The following TMEM63B variants were observed in gnomAD, a reference collection of about 807,000 sequenced individuals.
TMEM63B encodes mechanosensitive cation channel TMEM63B.
TMEM63B carries 23 observed loss-of-function variants against 102.6 expected under a neutral mutation model. The observed-to-expected ratio is 0.22, with a 90% CI of 0.16 to 0.32. TMEM63B has a LOEUF of 0.32. TMEM63B is among the 10% of genes least tolerant of loss of function. TMEM63B has a pLI of 1.00. For synonymous variants in TMEM63B, 444 were observed against 437.0 expected, an observed-to-expected ratio of 1.02 and a Z score of -0.20; for missense variants, 628 against 1,095.9, an observed-to-expected ratio of 0.57 and a Z score of 6.03.
At chr6:44,139,643 A>T (rs1404913594) in intron 7 of TMEM63B, 34 bp downstream of exon 7, 1 of 1,614,108 alleles carries the variant, frequency 6.2e-7, no homozygotes, top group Non-Finnish European at 8.5e-7. Flanking sequence ...GGGTGGAGAG[A>T]GGATGGGGCT....
At chr6:44,134,474 T>C in intron 1 of TMEM63B, 87 bp from the exon 2 acceptor site, 1 of 1,400,136 alleles carries the variant, frequency 7.1e-7, no homozygotes. Context: ...TGGTGATCTG[T>C]CCTCACTGCC....
upstream of TMEM63B, chr6:44,127,094 G>A (rs1282191221): frequency 1.3e-5 from 2 of 151,866 alleles, no homozygotes; most frequent in African/African-American, 4.8e-5. Context: ...CCACGGACTT[G>A]GGGGTCGCAG....
chr6:44,152,783 C>A lies in TMEM63B; in HGVS notation c.1942+85C>A. On this transcript the variant is annotated intron_variant, in intron 20 of 23. Coordinates refer to ENST00000323267, the MANE Select transcript of TMEM63B (RefSeq NM_018426.3). The surrounding 1 kb of genome is among the most constrained non-coding windows in gnomAD (Gnocchi z 6.4). ...TCCACTCTAGGAATGCAGGCCACCC[C>A]GAGTGGACAGGGCCCGGCTGGGAGA... The A allele has an allele frequency of 8.4e-7, 1 of 1,184,010 alleles. No homozygotes were observed. 73.3% of individuals were successfully genotyped at this position (1,184,010 alleles called of 1,614,324 possible).
intron 15 of TMEM63B, 86 bp downstream of exon 15, chr6:44,149,031 C>T (rs1177720808): frequency 1.9e-6 from 3 of 1,598,784 alleles, no homozygotes; most frequent in Non-Finnish European, 2.6e-6. Context: ...TTGCCCAGCC[C>T]AGCCCGTTCT....
At chr6:44,135,263 G>A (rs1762694026) in intron 3 of TMEM63B, 65 bp from the exon 4 acceptor site, 6 of 1,581,772 alleles carry the variant, frequency 3.8e-6, no homozygotes, top group East Asian at 2.3e-5. Context: ...TTGGGCCCCT[G>A]TTCCTCACCT....
In TMEM63B at chr6:44,152,113, T is replaced by C. The variant is rs1352684734; in HGVS notation, c.1836+105T>C. On this transcript the variant is annotated intron_variant, in intron 19 of 23. Coordinates refer to ENST00000323267, the MANE Select transcript of TMEM63B (RefSeq NM_018426.3). The surrounding 1 kb of genome is among the most constrained non-coding windows in gnomAD (Gnocchi z 6.4). ...TTGAGGGGCACAGGAGGGCTGAGAC[T>C]TGGGGAGTACAGTTGACTCACGGTG... 1.5e-6 allele frequency: 2 copies of C among 1,372,762 alleles called. No homozygotes were observed. The highest frequency in any genetic ancestry group is 1.9e-6 in the Non-Finnish European group (2 of 1,033,528). The allele number at this position is 1,372,762 out of a possible 1,614,324, so 85.0% of individuals were successfully genotyped here.
At chr6:44,138,766 A>G in intron 6 of TMEM63B, 3 of 357,064 alleles carry the variant, frequency 8.4e-6, no homozygotes, top group Non-Finnish European at 1.5e-5. Flanking sequence ...GCCCTGCCCC[A>G]CCTTGAGGGA....
chr6:44,143,867 C>T (rs377344410), intron 10 of TMEM63B, among the ~76,000 whole-genome samples: 10 of 152,284 alleles, frequency 6.6e-5, no homozygotes, highest in East Asian at 3.9e-4. Context: ...GGCATTTGAA[C>T]AGAGACCTGA....
At chr6:44,146,948 G>A (rs763349763) in intron 11 of TMEM63B, 21 bp downstream of exon 11, 1 of 1,613,308 alleles carries the variant, frequency 6.2e-7, no homozygotes, top group Non-Finnish European at 8.5e-7. Flanking sequence ...GGGGGCAGAG[G>A]AGGGTGACAC....
At position 44,139,612 on chromosome 6, in the gene TMEM63B, C is replaced by G. The variant is rs1460989635; in HGVS notation, c.550+3C>G. Reference sequence around the variant, plus strand: ...CAACTTCTCAGGGGACCTGCTGGGTCAGTGAGGGCCAGGACGGCTAGGGTG... The same window carrying G: ...CAACTTCTCAGGGGACCTGCTGGGTGAGTGAGGGCCAGGACGGCTAGGGTG... On this transcript the variant is annotated splice_donor_region_variant and intron_variant, in intron 7 of 23. Transcript: ENST00000323267. The G allele has an allele frequency of 6.2e-7, 1 of 1,614,146 alleles. No homozygotes were observed. The highest frequency in any genetic ancestry group is 1.1e-5 in the South Asian group (1 of 91,074).
chr6:44,153,733 A>G lies in TMEM63B; in HGVS notation c.2000A>G (p.Tyr667Cys). 1.2e-6 allele frequency: 2 copies of G among 1,614,106 alleles called. No individual in the cohort carries two copies. Among genetic ancestry groups the G allele is most frequent in the Non-Finnish European group, 1.7e-6 (2 of 1,180,020 alleles). The change falls in exon 21 of 24, where the codon TAC (tyrosine) becomes TGC (cysteine). Residue 667 changes from tyrosine (Y) to cysteine (C), a missense_variant. This residue lies in a region of TMEM63B where 90 missense variants were observed against 136.7 expected (regional missense o/e 0.66). Transcript: ENST00000323267. ...GACAGGTACAATCTCTACTACGCCT[A>G]CCTGCCGGCCAAGCTGGACAAGAAG... is the stretch of plus-strand genomic sequence containing the variant. ...LVDRYNLYYA[Y>C]LPAKLDKKIH...
At chr6:44,140,164 C>A in intron 8 of TMEM63B, 88 bp from the exon 9 acceptor site, 1 of 1,054,290 alleles carries the variant, frequency 9.5e-7, no homozygotes, top group Non-Finnish European at 1.4e-6. Flanking sequence ...CTGTCTGTAT[C>A]AAGGGTTTAA....
At chr6:44,147,628 G>A in intron 12 of TMEM63B, 128 bp downstream of exon 12, 3 of 1,353,350 alleles carry the variant, frequency 2.2e-6, no homozygotes, top group East Asian at 2.5e-5. Flanking sequence ...CCCACTGTTG[G>A]GTTTGTCTAA....
Position 44,151,891 on chromosome 6 carries a change from C to T in TMEM63B, c.1719C>T (p.Val573=). Residue 573 remains valine (V), a synonymous_variant, in exon 19 of 24, where the codon GTC becomes GTT. Transcript: ENST00000323267. ...ACGGCGCCTTCTTCGTGAACTACGT[C>T]ATTGCCTCAGCCTTTATCGGCAACG... The part of the protein sequence containing the change: ...PDNGAFFVNY[V]IASAFIGNAM... 6.2e-7 allele frequency: 1 copy of T among 1,613,468 alleles called. No homozygotes were observed. The highest frequency in any genetic ancestry group is 8.5e-7 in the Non-Finnish European group (1 of 1,179,718).
At chr6:44,135,800 C>A (rs1421266164) in intron 4 of TMEM63B, among the ~76,000 whole-genome samples, 1 of 152,188 alleles carries the variant, frequency 6.6e-6, no homozygotes, top group Non-Finnish European at 1.5e-5. Flanking sequence ...CCCAAGGAGC[C>A]CCCCAGTCTG....
Position 44,150,385 on chromosome 6 carries a change from C to A in TMEM63B, c.1607+75C>A. 7 of 1,507,750 alleles carry A rather than the reference C, an allele frequency of 4.6e-6. No homozygotes were observed. The highest frequency in any genetic ancestry group is 6.5e-6 in the Non-Finnish European group (7 of 1,085,138). The allele number at this position is 1,507,750 out of a possible 1,614,324, so 93.4% of individuals were successfully genotyped here. A position where few individuals can be genotyped will look rare whatever the true frequency, so the allele number is the denominator to read the frequency against. ...AGGGAGAGGAGAGCAGTTCAGCCTC[C>A]CTACCTCCCCTACAAAGCAAGGGGC... On this transcript the variant is annotated intron_variant, in intron 17 of 23. Coordinates refer to ENST00000323267, the MANE Select transcript of TMEM63B (RefSeq NM_018426.3). The surrounding 1 kb of genome is among the most constrained non-coding windows in gnomAD (Gnocchi z 4.7).
rs755895651 is a variant in TMEM63B, at chr6:44,153,773, T to C, written c.2040T>C (p.Ala680=). 1.4e-5 allele frequency: 23 copies of C among 1,614,008 alleles called. No individual in the cohort carries two copies. Among genetic ancestry groups the C allele is most frequent in the Non-Finnish European group, 1.9e-5 (23 of 1,180,026 alleles). Residue 680 remains alanine, a synonymous_variant, in exon 21 of 24, where the codon GCT becomes GCC. Transcript: ENST00000323267. ...TGGACAAGAAGATCCACTCGGGGGC[T>C]GTGAACCAGGTGGTGGCCGCGCCCA... ...AKLDKKIHSG[A]VNQVVAAPIL... is the part of the protein sequence containing the mutation.
At chr6:44,149,105 T>C (rs1401584389) in intron 15 of TMEM63B, 160 bp downstream of exon 15, 13 of 1,078,264 alleles carry the variant, frequency 1.2e-5, no homozygotes, top group Non-Finnish European at 1.8e-5. Flanking sequence ...TCCCTTGGGC[T>C]CCCTGCCACC....
chr6:44,149,127 A>G, intron 15 of TMEM63B, 182 bp downstream of exon 15: 1 of 822,178 alleles, frequency 1.2e-6, no homozygotes, highest in Non-Finnish European at 1.9e-6. Context: ...TCCCCCTGAG[A>G]GAGGCCACCC....
Sources: allele counts gnomAD v4.1 joint callset (sites outside exome capture counted in the v4.1 genomes callset), GRCh38; gene constraint gnomAD v4.1.1; regional missense constraint gnomAD v4.1.1; non-coding constraint Gnocchi (gnomAD v3.1); transcripts MANE v1.5; gene names NCBI Gene and HGNC (gene_info 2026-07-23, HGNC 2026-07-21).